The following SLC25A36 variants were observed in gnomAD, a reference collection of about 807,000 sequenced individuals.
SLC25A36 encodes solute carrier family 25 member 36.
SLC25A36 carries 24 observed loss-of-function variants against 35.3 expected under a neutral mutation model. The ratio of observed to expected loss-of-function variants is 0.68; its 90% CI spans 0.49 to 0.96. The LOEUF is 0.96. Among genes scored for constraint, SLC25A36 ranks in the 40% least tolerant of loss-of-function variants. SLC25A36 has a pLI of 0.00. For missense variants in SLC25A36, 294 were observed against 381.1 expected (o/e 0.77, Z 1.90); for synonymous variants, 141 against 132.2 (o/e 1.07, Z -0.46).
chr3:140,942,042 T>G lies in SLC25A36; in HGVS notation c.-13T>G. 6.9e-7 allele frequency: 1 copy of G among 1,445,460 alleles called. No homozygotes were observed. The highest frequency in any genetic ancestry group is 9.4e-7 in the Non-Finnish European group (1 of 1,064,284). 89.5% of individuals were successfully genotyped at this position (1,445,460 alleles called of 1,614,324 possible). Reference sequence around the variant, plus strand: ...GTCCCGCCTCAGCGGCCGGAGGACATGCGGGAGAGAGAATGAGCCAGAGGG... The same window carrying G: ...GTCCCGCCTCAGCGGCCGGAGGACAGGCGGGAGAGAGAATGAGCCAGAGGG... On this transcript the variant is annotated 5_prime_UTR_variant, in exon 1 of 7. The change abolishes an upstream ATG in the 5' untranslated region. Coordinates refer to ENST00000324194, the MANE Select transcript of SLC25A36 (RefSeq NM_001104647.3).
chr3:140,949,354 C>T (rs534964576), intron 1 of SLC25A36, among the ~76,000 whole-genome samples: 6 of 152,122 alleles, frequency 3.9e-5, no homozygotes, highest in South Asian at 2.1e-4. Flanking sequence ...AGTAAATTAC[C>T]GAGATGACTT....
At chr3:140,976,237 A>G in intron 6 of SLC25A36, 23 bp from the exon 7 acceptor site, 1 of 1,475,486 alleles carries the variant, frequency 6.8e-7, no homozygotes, top group African/African-American at 1.4e-5. Context: ...AGTAATGTTT[A>G]ATTTTATTTC....
At chr3:140,970,902 G>C (rs1934882983) in intron 4 of SLC25A36, 25 bp from the exon 5 acceptor site, 1 of 1,148,240 alleles carries the variant, frequency 8.7e-7, no homozygotes, top group Non-Finnish European at 1.3e-6. Context: ...TTTTACCAGA[G>C]TTCATTTTAA....
chr3:140,963,585 T>C, intron 4 of SLC25A36: 1 of 159,046 alleles, frequency 6.3e-6, no homozygotes, highest in Non-Finnish European at 1.4e-5. Context: ...TAGTGCCTTT[T>C]CCCTTTTTGC....
rs1468378780 is a variant in SLC25A36 at position 140,959,450 on chromosome 3, T to C, written c.207-13T>C. On this transcript the variant is annotated splice_polypyrimidine_tract_variant and intron_variant, in intron 2 of 6. Transcript: ENST00000324194. Reference sequence around the variant, plus strand: ...AAAGATATTTCTGATAGAATTTTTTTTCTCTCTTTCAGGGTGATCTTGGAA... The same window carrying C: ...AAAGATATTTCTGATAGAATTTTTTCTCTCTCTTTCAGGGTGATCTTGGAA... The C allele has an allele frequency of 4.1e-6, 6 of 1,446,358 alleles. No homozygotes were observed. Among genetic ancestry groups the C allele is most frequent in the Non-Finnish European group, 4.6e-6 (5 of 1,084,194 alleles). The allele number at this position is 1,446,358 out of a possible 1,614,324, so 89.6% of individuals were successfully genotyped here.
At chr3:140,953,492 A>C (rs1934385591) in intron 1 of SLC25A36, among the ~76,000 whole-genome samples, 1 of 152,186 alleles carries the variant, frequency 6.6e-6, no homozygotes, top group Non-Finnish European at 1.5e-5. Flanking sequence ...GTTTCACATA[A>C]TATATTCAGC....
chr3:140,973,024 A>G (rs142820400), intron 5 of SLC25A36: 46 of 152,318 alleles, frequency 3.0e-4, no homozygotes, highest in African/African-American at 9.6e-4. Context: ...GTTGTATTCT[A>G]TAAGAGTAGG....
chr3:140,976,148 C>G, intron 6 of SLC25A36, 112 bp from the exon 7 acceptor site: 2 of 714,194 alleles, frequency 2.8e-6, no homozygotes, highest in Non-Finnish European at 4.5e-6. Flanking sequence ...TAGAAGCCAT[C>G]CTTTTTTATC....
chr3:140,954,405 C>T (rs915621857), intron 1 of SLC25A36, among the ~76,000 whole-genome samples: 1 of 152,174 alleles, frequency 6.6e-6, no homozygotes, highest in African/African-American at 2.4e-5. Context: ...TGGGTCAGTA[C>T]CTACAAGTGA....
chr3:140,956,248 C>A (rs1158975592), intron 1 of SLC25A36, among the ~76,000 whole-genome samples: 5 of 152,072 alleles, frequency 3.3e-5, no homozygotes, highest in South Asian at 2.1e-4. Context: ...ATGTGACTTA[C>A]CAGTACAATT....
intron 1 of SLC25A36, among the ~76,000 whole-genome samples, chr3:140,942,300 G>GT (rs1934031568): frequency 6.6e-6 from 1 of 151,398 alleles, no homozygotes; most frequent in Non-Finnish European, 1.5e-5. Flanking sequence ...GAAGCAAGGG[G>GT]GTGAGGCCCG....
At chr3:140,947,884 G>T (rs1317494149) in intron 1 of SLC25A36, among the ~76,000 whole-genome samples, 1 of 152,200 alleles carries the variant, frequency 6.6e-6, no homozygotes, top group Admixed American at 6.5e-5. Flanking sequence ...TACTACCAGA[G>T]AAACAATTTT....
chr3:140,972,594 C>T (rs568926880), intron 5 of SLC25A36: 1 of 151,356 alleles, frequency 6.6e-6, no homozygotes, highest in African/African-American at 2.4e-5. Flanking sequence ...CATGATTGCA[C>T]CATGGAGACT....
chr3:140,962,248 A>T lies in SLC25A36; in HGVS notation c.285-879A>T, dbSNP rs917006948. On this transcript the variant is annotated intron_variant, in intron 3 of 6. Transcript: ENST00000324194. ...ATTTTCCTTTTTTCTTAAGTACATT[A>T]AAAAAGGTACAACAGTGAAATTCTC... 2.1e-4 allele frequency among the ~76,000 whole-genome samples: 32 copies of T among 152,160 alleles called. 1 individual carries two copies. The highest frequency in any genetic ancestry group is 9.8e-4 in the Admixed American group (15 of 15,274).
chr3:140,960,508 G>C (rs749924053), intron 3 of SLC25A36, among the ~76,000 whole-genome samples: 1 of 152,174 alleles, frequency 6.6e-6, no homozygotes, highest in Non-Finnish European at 1.5e-5. Flanking sequence ...CAAAGGACTA[G>C]GAAGGATGTC....
At chr3:140,958,209 A>T (rs34605552) in intron 2 of SLC25A36, among the ~76,000 whole-genome samples, 2 of 152,070 alleles carry the variant, frequency 1.3e-5, no homozygotes, top group Admixed American at 1.3e-4. Flanking sequence ...TCTTAAGCAG[A>T]TAGATGTTTG....
intron 1 of SLC25A36, among the ~76,000 whole-genome samples, chr3:140,952,443 G>A (rs1471535034): frequency 1.3e-5 from 2 of 152,136 alleles, no homozygotes; most frequent in Non-Finnish European, 2.9e-5. Flanking sequence ...ACCATGCCTG[G>A]CCAGTTTAGA....
chr3:140,968,606 A>G (rs1934823392), intron 4 of SLC25A36: 1 of 941,664 alleles, frequency 1.1e-6, no homozygotes, highest in Non-Finnish European at 1.3e-6. Context: ...GGGTCTTTAA[A>G]AGGTTTTGTT....
chr3:140,960,682 T>G (rs938808297), intron 3 of SLC25A36, among the ~76,000 whole-genome samples: 1 of 152,202 alleles, frequency 6.6e-6, no homozygotes, highest in Non-Finnish European at 1.5e-5. Flanking sequence ...GATAAAGAAC[T>G]ATGGTGTGAC....
Sources: gnomAD v4.1 joint callset for allele counts (sites outside exome capture counted in the v4.1 genomes callset) on GRCh38, gnomAD v4.1.1 for gene constraint, MANE v1.5 for transcripts, NCBI Gene and HGNC (gene_info 2026-07-23, HGNC 2026-07-21) for gene names.